The following RELN variants were observed in gnomAD, a reference collection of about 807,000 sequenced individuals.
RELN encodes the protein reelin.
A neutral mutation model predicts 427.6 loss-of-function variants in RELN; 108 were observed. That is an observed-to-expected ratio of 0.25 (90% CI 0.22 to 0.30). RELN has a LOEUF of 0.30. RELN is among the 10% of genes least tolerant of loss of function. The probability of loss-of-function intolerance (pLI) is 1.00; values close to 1 mark genes in which losing one functional copy is unlikely to be tolerated. For synonymous variants in RELN, 1,524 were observed against 1,513.4 expected, an observed-to-expected ratio of 1.01 and a Z score of -0.16; for missense variants, 3,715 against 4,302.8, an observed-to-expected ratio of 0.86 and a Z score of 3.82.
At chr7:103,801,663 G>A (rs1792469947) in intron 3 of RELN, among the ~76,000 whole-genome samples, 1 of 151,898 alleles carries the variant, frequency 6.6e-6, no homozygotes, top group Non-Finnish European at 1.5e-5. Context: ...GGGCCAGCAT[G>A]GCACATATAT....
intron 44 of RELN, among the ~76,000 whole-genome samples, chr7:103,539,953 T>TCTATGAGCAGGA (rs1830141320): frequency 3.3e-5 from 5 of 152,352 alleles, no homozygotes; most frequent in African/African-American, 9.6e-5. Context: ...GGCAGAATCC[T>TCTATGAGCAGGA]CTATGAGCAG....
intron 2 of RELN, among the ~76,000 whole-genome samples, chr7:103,842,303 G>C (rs972610947): frequency 6.0e-5 from 9 of 150,478 alleles, no homozygotes; most frequent in African/African-American, 2.2e-4. Flanking sequence ...AGTTTGGAAA[G>C]TTAGTGTTAT....
At chr7:103,511,031 T>G (rs1829393473) in intron 50 of RELN, 26 bp from the exon 51 acceptor site, 1 of 1,593,950 alleles carries the variant, frequency 6.3e-7, no homozygotes, top group Admixed American at 1.7e-5. Flanking sequence ...CAAAATTTTA[T>G]GACAAATTTG....
chr7:103,772,534 G>GGTC (rs2116185747), intron 4 of RELN, among the ~76,000 whole-genome samples: 1 of 152,310 alleles, frequency 6.6e-6, no homozygotes, highest in Non-Finnish European at 1.5e-5. Flanking sequence ...TGAGAATTCT[G>GGTC]TAGAGAGAGT....
intron 20 of RELN, among the ~76,000 whole-genome samples, chr7:103,615,728 G>C (rs527674776): frequency 1.3e-5 from 2 of 152,156 alleles, no homozygotes; most frequent in Non-Finnish European, 2.9e-5. Context: ...ACTATGTCCT[G>C]TGTATCAAAG....
chr7:103,884,628 G>T (rs1794682454), intron 2 of RELN, among the ~76,000 whole-genome samples: 1 of 152,174 alleles, frequency 6.6e-6, no homozygotes, highest in Admixed American at 6.5e-5. Flanking sequence ...TGAAGGATAT[G>T]AACAGACACT....
intron 10 of RELN, among the ~76,000 whole-genome samples, chr7:103,696,657 CCTCTCACTCCTAATTCTGGCCAATATGAT>C (rs1308682628): frequency 1.3e-5 from 2 of 152,078 alleles, no homozygotes; most frequent in Non-Finnish European, 2.9e-5. Flanking sequence ...ATTTTTCCAT[CCTCTCACTCCTAATTCTGGCCAATATGAT>C]CTCTCACTCC....
intron 28 of RELN, among the ~76,000 whole-genome samples, 162 bp from the exon 29 acceptor site, chr7:103,575,867 C>T (rs1285012000): frequency 6.6e-6 from 1 of 152,060 alleles, no homozygotes; most frequent in African/African-American, 2.4e-5. Flanking sequence ...TCAGACCTTT[C>T]TCTCTCTCTC....
chr7:103,501,212 G>T (rs1352381628), intron 52 of RELN, among the ~76,000 whole-genome samples: 1 of 152,166 alleles, frequency 6.6e-6, no homozygotes, highest in Non-Finnish European at 1.5e-5. Flanking sequence ...ACACAAATCT[G>T]TAACTTTCAT....
intron 8 of RELN, among the ~76,000 whole-genome samples, chr7:103,718,318 CA>C (rs1229996171): frequency 2.5e-5 from 2 of 79,626 alleles, no homozygotes; most frequent in Admixed American, 2.7e-4. Flanking sequence ...ATGATAAAAA[CA>C]AAAACAAAGC....
At position 103,545,291 on chromosome 7, in the gene RELN, A is replaced by G. The variant is rs759243948; in HGVS notation, c.6356T>C (p.Val2119Ala). The stretch of plus-strand genomic sequence containing the variant: ...GTAGACATTATCAATGGCCCATGTC[A>G]CTGGCTGAGAGCCGGCAGGGTAAAA... The part of the protein sequence containing the change: ...QGFYPAGSQP[V>A]TWAIDNVYIG... The change falls in exon 42 of 65, where the codon GTG (valine) becomes GCG (alanine). Residue 2119 changes from valine to alanine, a missense_variant. Around this residue, in one of 4 missense-constraint regions of RELN, gnomAD observed 1,310 missense variants for 1,643.0 expected, o/e 0.80. Transcript: ENST00000428762. The G allele has an allele frequency of 6.2e-7, 1 of 1,614,198 alleles. No homozygotes were observed. The highest frequency in any genetic ancestry group is 1.7e-5 in the Admixed American group (1 of 60,026).
intron 2 of RELN, among the ~76,000 whole-genome samples, chr7:103,889,802 A>G (rs1039478150): frequency 3.9e-5 from 6 of 152,150 alleles, no homozygotes; most frequent in South Asian, 2.1e-4. Context: ...AAGACACTAT[A>G]AAAAGCACCA....
At chr7:103,624,415 T>G (rs553339078) in intron 20 of RELN, among the ~76,000 whole-genome samples, 1 of 152,184 alleles carries the variant, frequency 6.6e-6, no homozygotes, top group African/African-American at 2.4e-5. Flanking sequence ...TTACCCTTTT[T>G]TCCTCATGTC....
rs1371766848 is a variant in RELN, at chr7:103,535,593, A to AT, written c.7181-110dup. ...TTAGTTTCATTCAAATGTCAGTTTGATTTTTTCCCTACACTTATATTTCCT... is the reference window on the plus strand; with the variant it reads ...TTAGTTTCATTCAAATGTCAGTTTGATTTTTTTCCCTACACTTATATTTCCT... On this transcript the variant is annotated intron_variant, in intron 45 of 64. Coordinates refer to ENST00000428762, the MANE Select transcript of RELN (RefSeq NM_005045.4). The AT allele has an allele frequency of 1.2e-5, 13 of 1,096,140 alleles. No homozygotes were observed. The East Asian group carries it at 1.8e-4, about 15-fold the overall frequency. 67.9% of individuals were successfully genotyped at this position (1,096,140 alleles called of 1,614,324 possible).
intron 3 of RELN, among the ~76,000 whole-genome samples, chr7:103,822,329 C>A (rs890713149): frequency 6.6e-6 from 1 of 151,758 alleles, no homozygotes. Flanking sequence ...CAAGTTTAAA[C>A]CTTCATAATA....
At chr7:103,594,737 T>C (rs1298334227) in intron 25 of RELN, among the ~76,000 whole-genome samples, 1 of 152,218 alleles carries the variant, frequency 6.6e-6, no homozygotes, top group African/African-American at 2.4e-5. Context: ...ATATTTCAAC[T>C]GAGTTTGATT....
At chr7:103,521,486 C>T (rs973632620) in intron 48 of RELN, among the ~76,000 whole-genome samples, 3 of 152,076 alleles carry the variant, frequency 2.0e-5, no homozygotes, top group African/African-American at 7.2e-5. Flanking sequence ...TCCTGGACAA[C>T]CTATAAAAAT....
chr7:103,883,999 G>A (rs1256325788), intron 2 of RELN, among the ~76,000 whole-genome samples: 1 of 152,128 alleles, frequency 6.6e-6, no homozygotes, highest in Admixed American at 6.5e-5. Flanking sequence ...AAAGAGCAAT[G>A]CTGGAGGTAT....
intron 3 of RELN, among the ~76,000 whole-genome samples, chr7:103,783,024 G>A (rs568914433): frequency 6.6e-6 from 1 of 152,208 alleles, no homozygotes; most frequent in African/African-American, 2.4e-5. Flanking sequence ...TTCAGGAAAG[G>A]TAACTAAATA....
Sources: gnomAD v4.1 joint callset for allele counts (sites outside exome capture counted in the v4.1 genomes callset) on GRCh38, gnomAD v4.1.1 for gene constraint, gnomAD v4.1.1 regional missense constraint, MANE v1.5 for transcripts, NCBI Gene and HGNC (gene_info 2026-07-23, HGNC 2026-07-21) for gene names.